The following HIVEP3 variants were observed in gnomAD, a reference collection of about 807,000 sequenced individuals.
HIVEP3 encodes transcription factor HIVEP3.
In HIVEP3, 49 loss-of-function variants were observed where a neutral mutation model predicts 152.8. The ratio of observed to expected loss-of-function variants is 0.32; its 90% CI spans 0.26 to 0.41. HIVEP3 has a LOEUF of 0.41. Ranked by LOEUF, HIVEP3 falls within the 10% of genes least tolerant of loss-of-function variation. HIVEP3 has a pLI of 1.00. For missense variants in HIVEP3, 2,790 were observed against 3,103.3 expected, an observed-to-expected ratio of 0.90 and a Z score of 2.40; for synonymous variants, 1,269 against 1,289.0, an observed-to-expected ratio of 0.98 and a Z score of 0.33.
rs530827342 is a variant in HIVEP3, at chr1:41,843,482, C to A, written c.-801+74931G>T. Among the ~76,000 whole-genome samples the A allele has an allele frequency of 2.4e-3, 358 of 152,246 alleles. 1 individual carries two copies. The highest frequency in any genetic ancestry group is 8.3e-3 in the African/African-American group (346 of 41,536). On this transcript the variant is annotated intron_variant, in intron 1 of 8. Coordinates refer to ENST00000372583, the MANE Select transcript of HIVEP3 (RefSeq NM_024503.5). ...CCGCAATGCTTAGGGAACACGCCAT[C>A]CTCCCACAAACTCCAGTAAAGAATG...
intron 2 of HIVEP3, among the ~76,000 whole-genome samples, chr1:41,634,926 G>A (rs1645247292): frequency 6.6e-6 from 1 of 152,076 alleles, no homozygotes; most frequent in African/African-American, 2.4e-5. Context: ...GAAATTTGGT[G>A]GTATAAGTAA....
chr1:41,886,676 C>T (rs1644351595), intron 1 of HIVEP3, among the ~76,000 whole-genome samples: 1 of 139,438 alleles, frequency 7.2e-6, no homozygotes, highest in Non-Finnish European at 1.5e-5. Context: ...CGCGCCATTG[C>T]ACTCCAGCCT....
At chr1:41,638,090 C>T (rs945718079) in intron 2 of HIVEP3, among the ~76,000 whole-genome samples, 4 of 152,144 alleles carry the variant, frequency 2.6e-5, no homozygotes, top group African/African-American at 4.8e-5. Context: ...TGAGAAATCA[C>T]TTACTGCATA....
chr1:41,933,763 G>A (rs1358540033), intron 1 of HIVEP3, among the ~76,000 whole-genome samples: 4 of 151,250 alleles, frequency 2.6e-5, no homozygotes, highest in South Asian at 2.1e-4. Context: ...GACTTCTCTC[G>A]TTAGCCTGGT....
chr1:41,566,765 C>T (rs1409871193), intron 5 of HIVEP3, among the ~76,000 whole-genome samples: 1 of 152,160 alleles, frequency 6.6e-6, no homozygotes, highest in Non-Finnish European at 1.5e-5. Context: ...CTCTTGGCAT[C>T]CAGGATTCAC....
intron 1 of HIVEP3, among the ~76,000 whole-genome samples, chr1:41,958,804 C>T (rs1442627186): frequency 6.6e-6 from 1 of 152,206 alleles, no homozygotes; most frequent in African/African-American, 2.4e-5. Flanking sequence ...CAGATGTATA[C>T]AGACTCATGG....
At chr1:41,564,596 C>T (rs1644132817) in intron 5 of HIVEP3, among the ~76,000 whole-genome samples, 1 of 152,036 alleles carries the variant, frequency 6.6e-6, no homozygotes, top group Non-Finnish European at 1.5e-5. Flanking sequence ...TAAGAGCAAC[C>T]CAGGAAGTTA....
At chr1:41,911,462 C>T (rs114930757) in intron 1 of HIVEP3, among the ~76,000 whole-genome samples, 79 of 152,248 alleles carry the variant, frequency 5.2e-4, no homozygotes, top group African/African-American at 1.5e-3. Flanking sequence ...AAGTGAAACT[C>T]ATATGACACC....
intron 1 of HIVEP3, among the ~76,000 whole-genome samples, chr1:41,712,333 G>C (rs550902246): frequency 2.0e-5 from 3 of 152,254 alleles, no homozygotes; most frequent in Non-Finnish European, 4.4e-5. Flanking sequence ...CTGCTTGTGC[G>C]CACCAGGCAC....
At chr1:41,994,572 C>T (rs1237537375) in intron 1 of HIVEP3, among the ~76,000 whole-genome samples, 2 of 152,178 alleles carry the variant, frequency 1.3e-5, no homozygotes, top group African/African-American at 4.8e-5. Flanking sequence ...CTCTCTATCT[C>T]TCTTGCTGCC....
At chr1:41,826,519 T>C (rs1642808428) in intron 1 of HIVEP3, among the ~76,000 whole-genome samples, 1 of 152,190 alleles carries the variant, frequency 6.6e-6, no homozygotes, top group Admixed American at 6.5e-5. Flanking sequence ...GTTCAAGTGA[T>C]TCTCCTCCCT....
intron 1 of HIVEP3, among the ~76,000 whole-genome samples, chr1:41,835,545 C>T (rs1341705316): frequency 6.6e-6 from 1 of 152,212 alleles, no homozygotes; most frequent in African/African-American, 2.4e-5. Context: ...TAAAGTAACA[C>T]GATTCAGTCC....
intron 1 of HIVEP3, among the ~76,000 whole-genome samples, chr1:41,953,048 G>A (rs542943091): frequency 1.3e-5 from 2 of 152,254 alleles, no homozygotes; most frequent in African/African-American, 4.8e-5. Context: ...ACATGGGTCC[G>A]TGACACTGCT....
chr1:42,009,118 C>T (rs1022109415), intron 1 of HIVEP3, among the ~76,000 whole-genome samples: 6 of 152,196 alleles, frequency 3.9e-5, no homozygotes, highest in Non-Finnish European at 7.3e-5. Flanking sequence ...AATTTACCAA[C>T]GCTGGTGATG....
intron 2 of HIVEP3, among the ~76,000 whole-genome samples, chr1:41,638,646 C>A (rs1645324730): frequency 6.6e-6 from 1 of 152,166 alleles, no homozygotes; most frequent in African/African-American, 2.4e-5. Context: ...GGTAGAGGGG[C>A]CCATCTGCAA....
chr1:41,585,475 G>A (rs990830758), intron 3 of HIVEP3, among the ~76,000 whole-genome samples, 157 bp from the exon 4 acceptor site: 1 of 152,054 alleles, frequency 6.6e-6, no homozygotes, highest in Non-Finnish European at 1.5e-5. Flanking sequence ...AGAACCACAG[G>A]CTCCGGCTCC....
Position 41,510,727 on chromosome 1 carries a change from C to G in HIVEP3, c.6945G>C (p.Leu2315Phe), listed in dbSNP as rs1644439939. The G allele has an allele frequency of 1.9e-6, 3 of 1,547,018 alleles. No individual in the cohort carries two copies. In the South Asian group the frequency reaches 3.6e-5, roughly 18 times the overall value. The change falls in exon 9 of 9, where the codon TTG (leucine) becomes TTC (phenylalanine). Residue 2315 changes from leucine to phenylalanine, a missense_variant. Transcript: ENST00000372583. ...CCCGGCGTCCCTGGGGCGGCCGGGG[C>G]AAGGTGTCGGGTGGGGTGCAGGGGC... ...THSPCTPPDT[L>F]PRPPQGRRAA...
chr1:41,827,260 G>T (rs1261542806), intron 1 of HIVEP3, among the ~76,000 whole-genome samples: 1 of 152,166 alleles, frequency 6.6e-6, no homozygotes, highest in South Asian at 2.1e-4. Flanking sequence ...GTCACCAACA[G>T]TACCTTATTG....
intron 3 of HIVEP3, among the ~76,000 whole-genome samples, chr1:41,605,035 G>A (rs1471054513): frequency 1.3e-5 from 2 of 151,012 alleles, no homozygotes; most frequent in African/African-American, 4.9e-5. Context: ...ATCCCAGGAG[G>A]TAGAGGCTGT....
Sources: allele counts gnomAD v4.1 joint callset (sites outside exome capture counted in the v4.1 genomes callset), GRCh38; gene constraint gnomAD v4.1.1; transcripts MANE v1.5; gene names NCBI Gene and HGNC (gene_info 2026-07-23, HGNC 2026-07-21).